Variants in SOX6 observed in about 807,000 individuals in gnomAD.
SOX6 encodes the protein SRY-box transcription factor 6.
SOX6 carries 11 observed loss-of-function variants against 97.8 expected under a neutral mutation model. The ratio of observed to expected loss-of-function variants is 0.11; its 90% CI spans 0.07 to 0.19. SOX6 has a LOEUF of 0.19. Among genes scored for constraint, SOX6 ranks in the 10% least tolerant of loss-of-function variants. The pLI is 1.00. For missense variants in SOX6, 810 were observed against 1,039.5 expected, an observed-to-expected ratio of 0.78 and a Z score of 3.04; for synonymous variants, 360 against 371.4, an observed-to-expected ratio of 0.97 and a Z score of 0.35.
At chr11:16,545,218 T>A (rs1408522528) in intron 4 of SOX6, among the ~76,000 whole-genome samples, 1 of 151,716 alleles carries the variant, frequency 6.6e-6, no homozygotes, top group African/African-American at 2.4e-5. Flanking sequence ...GGCCATATAG[T>A]CTAACATACA....
intron 1 of SOX6, among the ~76,000 whole-genome samples, chr11:16,409,424 G>C (rs1039508): frequency 0.31 from 47,218 of 151,870 alleles, 8,312 homozygotes; most frequent in Non-Finnish European, 0.4. Flanking sequence ...ATGCCTCTAG[G>C]AGAGGTAATA....
chr11:16,533,774 A>G (rs1268435295), intron 4 of SOX6, among the ~76,000 whole-genome samples: 3 of 152,104 alleles, frequency 2.0e-5, no homozygotes, highest in African/African-American at 7.2e-5. Flanking sequence ...GTGACAATAA[A>G]TTTGTGTCAT....
At chr11:16,544,920 T>A (rs528870698) in intron 4 of SOX6, among the ~76,000 whole-genome samples, 2 of 152,114 alleles carry the variant, frequency 1.3e-5, no homozygotes, top group South Asian at 4.2e-4. Context: ...TATAAAAGGA[T>A]ACAGTTAAAA....
rs1848390401 is a variant in SOX6 at position 16,610,986 on chromosome 11, G to A, written n.609+1095C>T. On this transcript the variant is annotated intron_variant and non_coding_transcript_variant, in intron 4 of 5. Coordinates refer to the SOX6 transcript ENST00000524520. The surrounding 1 kb of genome is among the most constrained non-coding windows in gnomAD (Gnocchi z 4.4). ...ACGCGGCGCAAGAACCCCGGGCGCT[G>A]AGCTCCGGGGAACCTGGGAGGGAAG... Among the ~76,000 whole-genome samples, 1 of 152,228 alleles carries A rather than the reference G, an allele frequency of 6.6e-6. No individual in the cohort carries two copies.
At chr11:16,735,498 G>C (rs1018048989) in intron 2 of SOX6, among the ~76,000 whole-genome samples, 6 of 152,128 alleles carry the variant, frequency 3.9e-5, no homozygotes, top group African/African-American at 9.7e-5. Context: ...AAAGGATTAT[G>C]CATTATTCAC....
At chr11:16,324,253 C>A (rs1405412376) in intron 2 of SOX6, among the ~76,000 whole-genome samples, 1 of 152,016 alleles carries the variant, frequency 6.6e-6, no homozygotes, top group Non-Finnish European at 1.5e-5. Flanking sequence ...CCAACAATGA[C>A]AGGATTGCTT....
intron 6 of SOX6, among the ~76,000 whole-genome samples, chr11:16,135,114 A>G (rs1398541828): frequency 6.6e-6 from 1 of 152,186 alleles, no homozygotes; most frequent in African/African-American, 2.4e-5. Flanking sequence ...TGTTTACAGC[A>G]TGGTTTACTG....
intron 7 of SOX6, among the ~76,000 whole-genome samples, chr11:16,101,766 A>C (rs1045809455): frequency 7.9e-5 from 12 of 151,876 alleles, no homozygotes; most frequent in African/African-American, 2.9e-4. Context: ...AAACAGAATT[A>C]AAAATAAAAC....
At chr11:16,172,422 C>A (rs145363464) in intron 6 of SOX6, among the ~76,000 whole-genome samples, 1 of 152,146 alleles carries the variant, frequency 6.6e-6, no homozygotes, top group Non-Finnish European at 1.5e-5. Flanking sequence ...TTTACAGGCC[C>A]TCTTCTTAAA....
At chr11:16,698,194 A>G (rs189772016) in intron 3 of SOX6, among the ~76,000 whole-genome samples, 1 of 152,344 alleles carries the variant, frequency 6.6e-6, no homozygotes, top group East Asian at 1.9e-4. Flanking sequence ...ATCTGTAGTT[A>G]GTGTAGTCAC....
rs564241525 is a variant in SOX6 at position 16,336,405 on chromosome 11, A to G, written c.237+4607T>C. On this transcript the variant is annotated intron_variant, in intron 2 of 15. Coordinates refer to ENST00000683767, the MANE Select transcript of SOX6 (RefSeq NM_001367873.1). ...TGACTATGTTTCTGCCCACATGTACATTACTTAAAACGTTGTCTCCACCCT... is the reference window on the plus strand; with the variant it reads ...TGACTATGTTTCTGCCCACATGTACGTTACTTAAAACGTTGTCTCCACCCT... Among the ~76,000 whole-genome samples, 4 of 152,186 alleles carry G rather than the reference A, an allele frequency of 2.6e-5. No individual in the cohort carries two copies. In the South Asian group the frequency reaches 8.3e-4, roughly 32 times the overall value.
chr11:16,587,932 C>T (rs191844576), intron 4 of SOX6, among the ~76,000 whole-genome samples: 104 of 152,312 alleles, frequency 6.8e-4, no homozygotes, highest in Admixed American at 5.8e-3. Flanking sequence ...GCCCAACCTC[C>T]TTCACAGGCA....
chr11:16,132,320 AAGG>A (rs1849776172), intron 6 of SOX6, among the ~76,000 whole-genome samples: 2 of 125,816 alleles, frequency 1.6e-5, no homozygotes, highest in Admixed American at 8.6e-5. Context: ...GGAAGGAAGG[AAGG>A]AAGGAAGGAA....
intron 6 of SOX6, among the ~76,000 whole-genome samples, chr11:16,120,563 T>C (rs1025836924): frequency 5.0e-5 from 7 of 139,432 alleles, no homozygotes; most frequent in East Asian, 2.3e-4. Context: ...TAACTTCACA[T>C]ATATATATAT....
At chr11:16,526,582 A>G (rs1362272452) in intron 4 of SOX6, among the ~76,000 whole-genome samples, 1 of 152,068 alleles carries the variant, frequency 6.6e-6, no homozygotes, top group Non-Finnish European at 1.5e-5. Flanking sequence ...ATGTATACAT[A>G]TGTAACTAAC....
Position 16,300,607 on chromosome 11 carries a change from C to T in SOX6, c.445+17839G>A, listed in dbSNP as rs767009279. 5.9e-5 allele frequency among the ~76,000 whole-genome samples: 9 copies of T among 152,270 alleles called. No individual in the cohort carries two copies. Among genetic ancestry groups the T allele is most frequent in the Non-Finnish European group, 8.8e-5 (6 of 68,018 alleles). ...GGAAAGACATTTTCATTCATTACCA[C>T]GGTCACAAGCACTTAAAGCACTTTT... is the stretch of plus-strand genomic sequence containing the variant. On this transcript the variant is annotated intron_variant, in intron 3 of 15. Coordinates refer to ENST00000683767, the MANE Select transcript of SOX6 (RefSeq NM_001367873.1). This position sits in a 1 kb window ranked among gnomAD's most constrained non-coding sequence, Gnocchi z 4.1.
upstream of SOX6, among the ~76,000 whole-genome samples, chr11:16,361,382 T>C (rs1052685252): frequency 1.3e-5 from 2 of 152,190 alleles, no homozygotes; most frequent in Non-Finnish European, 2.9e-5. Context: ...GCTCACACAT[T>C]ACTTCTGCTA....
At chr11:16,310,279 G>A (rs1855560833) in intron 3 of SOX6, among the ~76,000 whole-genome samples, 2 of 151,882 alleles carry the variant, frequency 1.3e-5, no homozygotes, top group African/African-American at 4.8e-5. Context: ...CTCATTTTAA[G>A]TTTTTTAAGG....
chr11:16,738,026 C>T (rs1003015785), intron 1 of SOX6, among the ~76,000 whole-genome samples: 8 of 152,062 alleles, frequency 5.3e-5, no homozygotes, highest in Non-Finnish European at 1.5e-5. Flanking sequence ...CCACCTCACA[C>T]AAAGCCATAT....
Sources: gnomAD v4.1 joint callset for allele counts (sites outside exome capture counted in the v4.1 genomes callset) on GRCh38, gnomAD v4.1.1 for gene constraint, Gnocchi (gnomAD v3.1) non-coding constraint, MANE v1.5 for transcripts, NCBI Gene and HGNC (gene_info 2026-07-23, HGNC 2026-07-21) for gene names.